The following DSTYK variants were observed in gnomAD, a reference collection of about 807,000 sequenced individuals.
DSTYK encodes the protein RIP-homologous kinase.
A neutral mutation model predicts 98.7 loss-of-function variants in DSTYK; 34 were observed. The ratio of observed to expected loss-of-function variants is 0.34; its 90% confidence interval spans 0.26 to 0.46. DSTYK has a LOEUF of 0.46. DSTYK is among the 20% of genes least tolerant of loss of function. The pLI is 1.00. For missense variants in DSTYK, 962 were observed against 1,181.7 expected, an observed-to-expected ratio of 0.81 and a Z score of 2.73; for synonymous variants, 462 against 457.3, an observed-to-expected ratio of 1.01 and a Z score of -0.13.
At position 205,158,976 on chromosome 1, in the gene DSTYK, C is replaced by T. The variant is rs80310859; in HGVS notation, c.2238+571G>A. 8.6e-3 allele frequency among the ~76,000 whole-genome samples: 1,316 copies of T among 152,324 alleles called. 23 individuals carry two copies. Among genetic ancestry groups the T allele is most frequent in the African/African-American group, 0.03 (1,260 of 41,574 alleles). On this transcript the variant is annotated intron_variant, in intron 9 of 12. Transcript: ENST00000367162. ...AAGAGCAGAGTTACAGGAAGCTATA[C>T]TGCTCTTCTAAGGAGTTTAGATTTT...
chr1:205,201,920 G>A (rs572624377), intron 1 of DSTYK, among the ~76,000 whole-genome samples: 3 of 152,234 alleles, frequency 2.0e-5, no homozygotes, highest in South Asian at 2.1e-4. Context: ...TTAGCCGGTC[G>A]TGGTGGTGCA....
At chr1:205,171,985 T>C (rs900482360) in intron 2 of DSTYK, among the ~76,000 whole-genome samples, 58 of 152,242 alleles carry the variant, frequency 3.8e-4, no homozygotes, top group Non-Finnish European at 2.8e-4. Flanking sequence ...AGATGCAGTC[T>C]CACTCTGTCA....
At position 205,159,621 on chromosome 1, in the gene DSTYK, A is replaced by G. The variant is rs759864299; in HGVS notation, c.2164T>C (p.Tyr722His). 1.2e-6 allele frequency: 2 copies of G among 1,613,858 alleles called. No individual in the cohort carries two copies. ...DLHGSVIDYN[Y>H]GGGSSIAVLL... ...ACAGCAATGCTGGAGCCACCACCATAGTTGTAGTCAATGACTGAACCATGG... is the reference window on the plus strand; with the variant it reads ...ACAGCAATGCTGGAGCCACCACCATGGTTGTAGTCAATGACTGAACCATGG... Residue 722 changes from tyrosine (Y) to histidine (H), a missense_variant, in exon 9 of 13, where the codon TAT (tyrosine) becomes CAT (histidine). By Grantham distance (83) the Tyr-to-His change is moderately conservative. Transcript: ENST00000367162.
chr1:205,187,644 C>A lies in DSTYK; in HGVS notation c.428G>T (p.Gly143Val). The A allele has an allele frequency of 6.2e-7, 1 of 1,614,186 alleles. No individual in the cohort carries two copies. Among genetic ancestry groups the A allele is most frequent in the African/African-American group, 1.3e-5 (1 of 75,048 alleles). ...GVQVLPTTKL[G>V]SEESCKLRRL... ...CCGAAGCTTACAGCTCTCCTCACTGCCCAGCTTGGTGGTGGGAAGCACCTG... is the reference window on the plus strand; with the variant it reads ...CCGAAGCTTACAGCTCTCCTCACTGACCAGCTTGGTGGTGGGAAGCACCTG... The change falls in exon 2 of 13, where the codon GGC (glycine) becomes GTC (valine). Residue 143 changes from glycine (G) to valine (V), a missense_variant. Around this residue, in one of 4 missense-constraint regions of DSTYK, gnomAD observed 660 missense variants for 855.0 expected, o/e 0.77. Transcript: ENST00000367162.
chr1:205,163,347 G>A (rs1266699725), intron 4 of DSTYK, among the ~76,000 whole-genome samples: 2 of 151,914 alleles, frequency 1.3e-5, no homozygotes, highest in African/African-American at 2.4e-5. Context: ...AGCCTCCCAA[G>A]TAGCTGGGAT....
intron 2 of DSTYK, among the ~76,000 whole-genome samples, chr1:205,177,155 C>T (rs890136169): frequency 2.0e-5 from 3 of 152,090 alleles, no homozygotes; most frequent in Admixed American, 6.6e-5. Context: ...TACAGTGAGC[C>T]GTGATCACGT....
rs112851716 is a variant in DSTYK at position 205,176,253 on chromosome 1, A to G, written c.655-6421T>C. Among the ~76,000 whole-genome samples, 1,307 of 152,206 alleles carry G rather than the reference A, an allele frequency of 8.6e-3. 22 individuals are homozygous for G. The highest frequency in any genetic ancestry group is 0.03 in the African/African-American group (1,252 of 41,536). On this transcript the variant is annotated intron_variant, in intron 2 of 12. Coordinates refer to ENST00000367162, the MANE Select transcript of DSTYK (RefSeq NM_015375.3). ...AGCATTTAGGGAGGCCGAGACAGGCAGATCACCTGAGGTTGGGAGTTCAAG... is the reference window on the plus strand; with the variant it reads ...AGCATTTAGGGAGGCCGAGACAGGCGGATCACCTGAGGTTGGGAGTTCAAG...
At chr1:205,193,668 C>T (rs561976912) in intron 1 of DSTYK, among the ~76,000 whole-genome samples, 7 of 152,176 alleles carry the variant, frequency 4.6e-5, no homozygotes, top group East Asian at 1.9e-4. Context: ...GTCAGGAGTT[C>T]GAGACCAGCC....
Position 205,161,316 on chromosome 1 carries a change from A to T in DSTYK, c.1890T>A (p.Ala630=). 6.2e-7 allele frequency: 1 copy of T among 1,614,132 alleles called. No individual in the cohort carries two copies. The highest frequency in any genetic ancestry group is 8.5e-7 in the Non-Finnish European group (1 of 1,180,000). ...DLWLRVRKDH[A]PRLARLSLES... ...CCAGAGAAAGGCGGGCCAGGCGGGG[A>T]GCATGATCTTTCCGAACCCTCAGCC... The change falls in exon 7 of 13, where the codon GCT becomes GCA. Residue 630 remains alanine (A), a synonymous_variant. Transcript: ENST00000367162.
Position 205,147,289 on chromosome 1 carries a change from A to G in DSTYK, c.*269T>C, listed in dbSNP as rs536033765. 166 of 325,376 alleles carry G rather than the reference A, an allele frequency of 5.1e-4. No homozygotes were observed. Among genetic ancestry groups the G allele is most frequent in the African/African-American group, 3.2e-3 (158 of 49,114 alleles). 20.2% of individuals were successfully genotyped at this position (325,376 alleles called of 1,614,324 possible). ...CTGCCTCCTTTTCATTTGTGAAGCC[A>G]GAACACCACATTCCTCAGCTTTTAC... is the stretch of plus-strand genomic sequence containing the variant. On this transcript the variant is annotated 3_prime_UTR_variant, in exon 13 of 13. Coordinates refer to ENST00000367162, the MANE Select transcript of DSTYK (RefSeq NM_015375.3).
chr1:205,210,486 C>T (rs1327977839), intron 1 of DSTYK, among the ~76,000 whole-genome samples: 1 of 152,160 alleles, frequency 6.6e-6, no homozygotes, highest in African/African-American at 2.4e-5. Context: ...CAGTTCCCCA[C>T]CAACAGCAGT....
chr1:205,191,435 A>C (rs1008238202), intron 1 of DSTYK, among the ~76,000 whole-genome samples: 1 of 152,216 alleles, frequency 6.6e-6, no homozygotes, highest in African/African-American at 2.4e-5. Context: ...CACTCTGACT[A>C]GCTCTGTGAC....
chr1:205,157,267 A>C lies in DSTYK; in HGVS notation c.2352+6T>G. ...GTATAATCTTGGGGAAACAGCTTTT[A>C]CTTACCAGCACATTTTTCAGTTTGA... On this transcript the variant is annotated splice_donor_region_variant and intron_variant, in intron 10 of 12. Coordinates refer to ENST00000367162, the MANE Select transcript of DSTYK (RefSeq NM_015375.3). 1 of 1,613,344 alleles carries C rather than the reference A, an allele frequency of 6.2e-7. No homozygotes were observed. The highest frequency in any genetic ancestry group is 8.5e-7 in the Non-Finnish European group (1 of 1,179,294).
At chr1:205,151,078 G>A (rs1657388472) in intron 10 of DSTYK, among the ~76,000 whole-genome samples, 1 of 152,168 alleles carries the variant, frequency 6.6e-6, no homozygotes, top group Non-Finnish European at 1.5e-5. Context: ...TAACACAATG[G>A]TATTTGTGTA....
chr1:205,206,348 C>T (rs1198188791), intron 1 of DSTYK, among the ~76,000 whole-genome samples: 4 of 151,416 alleles, frequency 2.6e-5, no homozygotes, highest in Non-Finnish European at 5.9e-5. Flanking sequence ...GGTGCAATCT[C>T]GGCTCACCAA....
intron 1 of DSTYK, chr1:205,202,485 G>C (rs1659071647): frequency 3.6e-6 from 3 of 829,254 alleles, no homozygotes; most frequent in Admixed American, 3.4e-5. Context: ...AAAATGCAGA[G>C]AGTAATGCTG....
At chr1:205,206,911 T>C (rs537568725) in intron 1 of DSTYK, among the ~76,000 whole-genome samples, 1 of 151,778 alleles carries the variant, frequency 6.6e-6, no homozygotes, top group Admixed American at 6.6e-5. Flanking sequence ...TCCCAAGAAC[T>C]CTAGAGATCA....
At chr1:205,154,969 A>AATTTATTTATTTATTT (rs34240202) in intron 10 of DSTYK, among the ~76,000 whole-genome samples, 108 of 147,890 alleles carry the variant, frequency 7.3e-4, no homozygotes, top group African/African-American at 2.5e-3. Context: ...TGGTGGAAGA[A>AATTTATTTATTTATTT]ATTTATTTAT....
At chr1:205,191,463 T>A (rs755843702) in intron 1 of DSTYK, among the ~76,000 whole-genome samples, 7 of 152,208 alleles carry the variant, frequency 4.6e-5, no homozygotes, top group Admixed American at 6.5e-5. Context: ...ATCCACTCGA[T>A]CTTTCTGAGC....
Sources: allele counts gnomAD v4.1 joint callset (sites outside exome capture counted in the v4.1 genomes callset), GRCh38; gene constraint gnomAD v4.1.1; regional missense constraint gnomAD v4.1.1; transcripts MANE v1.5; gene names NCBI Gene and HGNC (gene_info 2026-07-23, HGNC 2026-07-21).